Variants in BORCS5 observed in about 807,000 individuals in gnomAD.
BORCS5 encodes the protein BLOC-1-related complex subunit 5.
In BORCS5, 17 loss-of-function variants were observed where a neutral mutation model predicts 22.1. The observed-to-expected ratio is 0.77, with a 90% CI of 0.53 to 1.15. BORCS5 has a LOEUF of 1.15. Among genes scored for constraint, BORCS5 ranks in the 50% most tolerant of loss-of-function variants. BORCS5 has a pLI of 0.00. For synonymous variants in BORCS5, 117 were observed against 99.8 expected (o/e 1.17, Z -1.03); for missense variants, 247 against 253.2 (o/e 0.98, Z 0.17).
intron 3 of BORCS5, among the ~76,000 whole-genome samples, chr12:12,446,456 C>T (rs929781661): frequency 6.6e-6 from 1 of 152,190 alleles, no homozygotes; most frequent in African/African-American, 2.4e-5. Flanking sequence ...AACCCCAAAT[C>T]CCAAGATTCT....
At chr12:12,365,589 G>A (rs2136020862) in intron 2 of BORCS5, among the ~76,000 whole-genome samples, 1 of 152,084 alleles carries the variant, frequency 6.6e-6, no homozygotes, top group Middle Eastern at 3.4e-3. Context: ...TGTGGCTGTG[G>A]CCAGACTATA....
chr12:12,380,552 G>C (rs1026012881), intron 2 of BORCS5, among the ~76,000 whole-genome samples: 2 of 151,428 alleles, frequency 1.3e-5, no homozygotes, highest in Admixed American at 1.3e-4. Context: ...TCCAGTTTTT[G>C]CCTGTTATGA....
rs1213334357 is a variant in BORCS5, at chr12:12,361,069, T to C, written c.59-137T>C. On this transcript the variant is annotated intron_variant, in intron 1 of 3. Coordinates refer to ENST00000314565, the MANE Select transcript of BORCS5 (RefSeq NM_058169.6). ...TATAGAAAACAGTTTCTATAATTCA[T>C]CCCTGCCACCCCAACCCCAACTGCA... 7 of 797,400 alleles carry C rather than the reference T, an allele frequency of 8.8e-6. No individual in the cohort carries two copies. The Admixed American group carries it at 1.5e-4, about 17-fold the overall frequency. The allele number at this position is 797,400 out of a possible 1,614,324, so 49.4% of individuals were successfully genotyped here.
chr12:12,413,527 A>C (rs1592100801), intron 2 of BORCS5, among the ~76,000 whole-genome samples: 2 of 146,954 alleles, frequency 1.4e-5, no homozygotes, highest in African/African-American at 2.6e-5. Context: ...TTTTTTCCCC[A>C]CCCTTCCTGC....
intron 3 of BORCS5, among the ~76,000 whole-genome samples, chr12:12,460,977 T>C (rs1452694707): frequency 6.6e-6 from 1 of 152,154 alleles, no homozygotes; most frequent in Non-Finnish European, 1.5e-5. Flanking sequence ...TTTGAGCACA[T>C]TCTACAGATG....
In BORCS5 at chr12:12,467,731, C is replaced by A. The variant is rs1371240872; in HGVS notation, c.*1955C>A. ...TGAACTGTGTTCCCAGAATTCCCTT[C>A]CTTGTTTGTTTCTCTGGTGAGGGTT... is the stretch of plus-strand genomic sequence containing the variant. On this transcript the variant is annotated 3_prime_UTR_variant, in exon 4 of 4. Coordinates refer to ENST00000314565, the MANE Select transcript of BORCS5 (RefSeq NM_058169.6). 6.6e-6 allele frequency: 1 copy of A among 152,218 alleles called. No homozygotes were observed. Among genetic ancestry groups the A allele is most frequent in the Non-Finnish European group, 1.5e-5 (1 of 68,068 alleles). 9.4% of individuals were successfully genotyped at this position (152,218 alleles called of 1,614,324 possible).
chr12:12,400,533 G>C (rs1364689270), intron 2 of BORCS5, among the ~76,000 whole-genome samples: 1 of 149,484 alleles, frequency 6.7e-6, no homozygotes, highest in Admixed American at 6.7e-5. Flanking sequence ...GTCCTCCATA[G>C]AGATTATCAG....
intron 2 of BORCS5, among the ~76,000 whole-genome samples, chr12:12,363,909 A>G (rs911295053): frequency 4.9e-4 from 74 of 151,958 alleles, no homozygotes; most frequent in African/African-American, 1.6e-3. Flanking sequence ...AAAAAAAAAA[A>G]TATCTGCATA....
At chr12:12,396,645 G>T (rs1040251633) in intron 2 of BORCS5, among the ~76,000 whole-genome samples, 1 of 151,956 alleles carries the variant, frequency 6.6e-6, no homozygotes, top group African/African-American at 2.4e-5. Context: ...GGGGGTGGGG[G>T]TTATAAATCT....
intron 2 of BORCS5, among the ~76,000 whole-genome samples, chr12:12,434,281 CAAAAA>C (rs139357200): frequency 5.2e-5 from 4 of 76,580 alleles, no homozygotes; most frequent in Non-Finnish European, 2.4e-5. Context: ...GACTCTGTCT[CAAAAA>C]AAAAAAAAAA....
At chr12:12,365,772 G>C (rs1352871881) in intron 2 of BORCS5, among the ~76,000 whole-genome samples, 1 of 152,108 alleles carries the variant, frequency 6.6e-6, no homozygotes, top group Non-Finnish European at 1.5e-5. Flanking sequence ...TGTTCTTTCT[G>C]TTTTTATAGA....
chr12:12,469,152 A>G lies in BORCS5; in HGVS notation c.*3376A>G, dbSNP rs1243042613. On this transcript the variant is annotated 3_prime_UTR_variant, in exon 4 of 4. Coordinates refer to ENST00000314565, the MANE Select transcript of BORCS5 (RefSeq NM_058169.6). Reference sequence around the variant, plus strand: ...TGGATCACCTGAGGTCAGGAGTTCCAGACCAGCCTGACCAACATGGTGAAA... The same window carrying G: ...TGGATCACCTGAGGTCAGGAGTTCCGGACCAGCCTGACCAACATGGTGAAA... 6.6e-6 allele frequency: 1 copy of G among 152,250 alleles called. No homozygotes were observed. The highest frequency in any genetic ancestry group is 1.5e-5 in the Non-Finnish European group (1 of 68,072). 9.4% of individuals were successfully genotyped at this position (152,250 alleles called of 1,614,324 possible).
intron 2 of BORCS5, among the ~76,000 whole-genome samples, chr12:12,371,894 C>T (rs1420894568): frequency 6.6e-6 from 1 of 152,052 alleles, no homozygotes; most frequent in African/African-American, 2.4e-5. Context: ...CATGTCTGTA[C>T]TGCTTTTAAT....
chr12:12,457,115 T>A (rs1302374986), intron 3 of BORCS5, among the ~76,000 whole-genome samples: 1 of 152,232 alleles, frequency 6.6e-6, no homozygotes, highest in Non-Finnish European at 1.5e-5. Context: ...ATTTTATCAC[T>A]TATGGAGCTC....
At chr12:12,452,624 A>G (rs1029975265) in intron 3 of BORCS5, 4 of 322,936 alleles carry the variant, frequency 1.2e-5, no homozygotes, top group Non-Finnish European at 2.4e-5. Context: ...ACAGGCTGCC[A>G]TTGCAAACTA....
chr12:12,449,887 G>A (rs1444310414), intron 3 of BORCS5, among the ~76,000 whole-genome samples: 1 of 152,186 alleles, frequency 6.6e-6, no homozygotes. Context: ...TTTGACTGAT[G>A]CCCTTCTCAC....
At chr12:12,430,721 A>G (rs752291208) in intron 2 of BORCS5, among the ~76,000 whole-genome samples, 7 of 152,196 alleles carry the variant, frequency 4.6e-5, no homozygotes, top group East Asian at 3.8e-4. Flanking sequence ...CCTTGCCTCC[A>G]TCTAATTCTT....
intron 3 of BORCS5, among the ~76,000 whole-genome samples, chr12:12,438,382 G>GAAAAAAAA (rs1565915767): frequency 2.7e-4 from 29 of 106,916 alleles, no homozygotes; most frequent in Middle Eastern, 4.6e-3. Flanking sequence ...AAAAAAAAAC[G>GAAAAAAAA]AAAAACAACA....
At chr12:12,446,911 G>A (rs1218912751) in intron 3 of BORCS5, among the ~76,000 whole-genome samples, 1 of 152,186 alleles carries the variant, frequency 6.6e-6, no homozygotes, top group Non-Finnish European at 1.5e-5. Flanking sequence ...TATTTTGGGG[G>A]TGTAAGAGTC....
Sources: gnomAD v4.1 joint callset for allele counts (sites outside exome capture counted in the v4.1 genomes callset) on GRCh38, gnomAD v4.1.1 for gene constraint, MANE v1.5 for transcripts, NCBI Gene and HGNC (gene_info 2026-07-23, HGNC 2026-07-21) for gene names.